Variants in MACROD2 observed in about 807,000 individuals in gnomAD.
The protein encoded by MACROD2 is ADP-ribose glycohydrolase MACROD2.
MACROD2 carries 36 observed loss-of-function variants against 70.4 expected under a neutral mutation model. The observed-to-expected ratio is 0.51, with a 90% CI of 0.39 to 0.68. The LOEUF is 0.68. Among genes scored for constraint, MACROD2 ranks in the 30% least tolerant of loss-of-function variants. The pLI is 0.00. For missense variants in MACROD2, 496 were observed against 538.4 expected, an observed-to-expected ratio of 0.92 and a Z score of 0.78; for synonymous variants, 172 against 178.8, an observed-to-expected ratio of 0.96 and a Z score of 0.30.
chr20:15,229,403 A>T (rs1332291451), intron 5 of MACROD2, among the ~76,000 whole-genome samples: 3 of 152,158 alleles, frequency 2.0e-5, no homozygotes, highest in African/African-American at 7.2e-5. Context: ...AATTGGCAGG[A>T]ATGTTTTGCA....
chr20:14,110,023 T>G (rs2054427383), intron 3 of MACROD2, among the ~76,000 whole-genome samples: 1 of 151,846 alleles, frequency 6.6e-6, no homozygotes, highest in African/African-American at 2.4e-5. Flanking sequence ...AAAAAACCAT[T>G]TATCATGACC....
At chr20:15,713,695 T>C (rs149908465) in intron 8 of MACROD2, among the ~76,000 whole-genome samples, 127 of 152,136 alleles carry the variant, frequency 8.3e-4, no homozygotes, top group Middle Eastern at 3.4e-3. Flanking sequence ...ACTTCCAACA[T>C]TGGGAATTAA....
chr20:15,750,229 C>T (rs1305552044), intron 8 of MACROD2, among the ~76,000 whole-genome samples: 1 of 151,906 alleles, frequency 6.6e-6, no homozygotes, highest in South Asian at 2.1e-4. Context: ...TTCAAATAGC[C>T]AATAGGTACA....
intron 5 of MACROD2, among the ~76,000 whole-genome samples, chr20:14,971,798 T>G (rs2074694116): frequency 6.6e-6 from 1 of 152,096 alleles, no homozygotes; most frequent in African/African-American, 2.4e-5. Flanking sequence ...AAAAATAGGT[T>G]CTTTGCTTGG....
intron 4 of MACROD2, among the ~76,000 whole-genome samples, chr20:14,589,027 A>C (rs564366389): frequency 3.3e-5 from 5 of 152,238 alleles, no homozygotes; most frequent in East Asian, 1.9e-4. Context: ...ATTATCTCAG[A>C]AAAAAAGTGT....
chr20:14,213,877 C>G (rs752675213), intron 3 of MACROD2, among the ~76,000 whole-genome samples: 15 of 151,906 alleles, frequency 9.9e-5, no homozygotes, highest in Non-Finnish European at 1.6e-4. Context: ...ATCTGAGAAG[C>G]CTGAAAAGAG....
chr20:15,118,018 C>T (rs2076003444), intron 5 of MACROD2, among the ~76,000 whole-genome samples: 1 of 152,014 alleles, frequency 6.6e-6, no homozygotes, highest in African/African-American at 2.4e-5. Context: ...GATATGCCAA[C>T]TCAAACTCCT....
At chr20:15,793,510 C>A (rs763702356) in intron 8 of MACROD2, among the ~76,000 whole-genome samples, 1 of 151,992 alleles carries the variant, frequency 6.6e-6, no homozygotes, top group Non-Finnish European at 1.5e-5. Flanking sequence ...TTGTAAGATT[C>A]TGGGGCATTT....
chr20:14,230,117 C>T lies in MACROD2; in HGVS notation c.271+144389C>T, dbSNP rs188451177. Among the ~76,000 whole-genome samples, 3 of 152,246 alleles carry T rather than the reference C, an allele frequency of 2.0e-5. No homozygotes were observed. The East Asian group carries it at 5.8e-4, about 29-fold the overall frequency. ...TACAGTCTTTTTGCTGATAGAGGGT[C>T]TTGGCTCATTGTTGATCAGGGTGAT... On this transcript the variant is annotated intron_variant, in intron 3 of 17. Transcript: ENST00000684519.
chr20:14,639,823 A>G (rs1311287899), intron 4 of MACROD2, among the ~76,000 whole-genome samples: 1 of 152,198 alleles, frequency 6.6e-6, no homozygotes, highest in Non-Finnish European at 1.5e-5. Flanking sequence ...CTCACATAGT[A>G]TTGCAGAAGT....
intron 5 of MACROD2, among the ~76,000 whole-genome samples, chr20:14,918,744 C>A: frequency 6.7e-6 from 1 of 150,372 alleles, no homozygotes; most frequent in East Asian, 2.0e-4. Flanking sequence ...CATTTATTTT[C>A]ACTGAAGGTC....
intron 6 of MACROD2, among the ~76,000 whole-genome samples, chr20:15,401,521 G>A (rs1331656257): frequency 6.6e-6 from 1 of 152,118 alleles, no homozygotes; most frequent in Non-Finnish European, 1.5e-5. Flanking sequence ...AAAAGCCTGG[G>A]TGCAATTACA....
chr20:15,335,575 T>C (rs926103145), intron 6 of MACROD2, among the ~76,000 whole-genome samples: 1 of 151,712 alleles, frequency 6.6e-6, no homozygotes, highest in Non-Finnish European at 1.5e-5. Context: ...CTACTAGGCA[T>C]GTAAATATTA....
intron 3 of MACROD2, among the ~76,000 whole-genome samples, chr20:14,302,262 C>G (rs570566257): frequency 3.3e-5 from 5 of 152,162 alleles, no homozygotes; most frequent in Non-Finnish European, 7.3e-5. Flanking sequence ...TTGGACTGTA[C>G]TCCCTGTTTT....
At chr20:15,267,661 C>T (rs888682158) in intron 6 of MACROD2, among the ~76,000 whole-genome samples, 14 of 152,168 alleles carry the variant, frequency 9.2e-5, no homozygotes, top group African/African-American at 3.4e-4. Context: ...GATTTCTAGG[C>T]TTTTCTTGCT....
At chr20:15,980,790 G>T (rs1039978790) in intron 13 of MACROD2, among the ~76,000 whole-genome samples, 4 of 152,190 alleles carry the variant, frequency 2.6e-5, no homozygotes, top group Admixed American at 1.3e-4. Flanking sequence ...GTACTTGAGA[G>T]CTAATCCATT....
chr20:16,045,461 T>G (rs182316155), intron 17 of MACROD2, among the ~76,000 whole-genome samples: 162 of 152,184 alleles, frequency 1.1e-3, no homozygotes, highest in African/African-American at 3.4e-3. Context: ...GATGGCAAAT[T>G]AATGTCCTAA....
chr20:14,623,190 T>C (rs1983935327), intron 4 of MACROD2, among the ~76,000 whole-genome samples: 1 of 152,130 alleles, frequency 6.6e-6, no homozygotes, highest in Admixed American at 6.6e-5. Context: ...TTTTTGTTTT[T>C]TTTTTCTCAA....
At chr20:15,764,949 C>T (rs1190227045) in intron 8 of MACROD2, among the ~76,000 whole-genome samples, 1 of 152,152 alleles carries the variant, frequency 6.6e-6, no homozygotes, top group Non-Finnish European at 1.5e-5. Context: ...TGCTATTCTC[C>T]AAATGTCCCA....
Sources: allele counts gnomAD v4.1 joint callset (sites outside exome capture counted in the v4.1 genomes callset), GRCh38; gene constraint gnomAD v4.1.1; transcripts MANE v1.5; gene names NCBI Gene and HGNC (gene_info 2026-07-23, HGNC 2026-07-21).